PTPRT: variants seen among roughly 807,000 people sequenced by gnomAD.
PTPRT encodes the protein receptor-type tyrosine-protein phosphatase T.
PTPRT carries 56 observed loss-of-function variants against 176.8 expected under a neutral mutation model. The observed-to-expected ratio is 0.32, with a 90% CI of 0.26 to 0.40. The LOEUF is 0.40. Ranked by LOEUF, PTPRT falls within the 10% of genes least tolerant of loss-of-function variation. PTPRT has a pLI of 1.00. For missense variants in PTPRT, 1,540 were observed against 1,908.2 expected, an observed-to-expected ratio of 0.81 and a Z score of 3.60; for synonymous variants, 783 against 739.0, an observed-to-expected ratio of 1.06 and a Z score of -0.96.
chr20:42,947,518 A>T (rs1980957959), intron 1 of PTPRT, among the ~76,000 whole-genome samples: 1 of 152,196 alleles, frequency 6.6e-6, no homozygotes, highest in African/African-American at 2.4e-5. Context: ...AGACAAGGAG[A>T]GAGGTCTTCT....
At chr20:42,505,314 T>C (rs1390050817) in intron 7 of PTPRT, among the ~76,000 whole-genome samples, 1 of 152,134 alleles carries the variant, frequency 6.6e-6, no homozygotes. Context: ...TTATTATTGT[T>C]ATTTTGAGAT....
chr20:43,105,564 C>T (rs1186381670), intron 1 of PTPRT, among the ~76,000 whole-genome samples: 1 of 152,184 alleles, frequency 6.6e-6, no homozygotes, highest in Non-Finnish European at 1.5e-5. Flanking sequence ...CCATACCTGG[C>T]TAATTTTTGT....
chr20:42,133,701 T>A (rs1568959210), intron 18 of PTPRT, among the ~76,000 whole-genome samples: 1 of 152,200 alleles, frequency 6.6e-6, no homozygotes, highest in Non-Finnish European at 1.5e-5. Context: ...TAGCTAATAA[T>A]AATAAATCAA....
chr20:42,411,371 G>C (rs1038162211), intron 9 of PTPRT, among the ~76,000 whole-genome samples: 3 of 151,854 alleles, frequency 2.0e-5, no homozygotes, highest in African/African-American at 7.3e-5. Context: ...ACAAAAATTA[G>C]CCAGGCATGG....
intron 2 of PTPRT, among the ~76,000 whole-genome samples, chr20:42,813,475 T>G (rs1259423445): frequency 6.6e-6 from 1 of 151,852 alleles, no homozygotes; most frequent in Non-Finnish European, 1.5e-5. Context: ...TCTTCCTCCC[T>G]TTATTTTTTT....
At chr20:42,739,550 G>C (rs933501661) in intron 6 of PTPRT, among the ~76,000 whole-genome samples, 4 of 152,146 alleles carry the variant, frequency 2.6e-5, no homozygotes, top group African/African-American at 9.7e-5. Context: ...AGAGGAGAAA[G>C]AAAGATGGGG....
At chr20:43,135,638 A>T (rs1462547441) in intron 1 of PTPRT, among the ~76,000 whole-genome samples, 3 of 152,088 alleles carry the variant, frequency 2.0e-5, no homozygotes, top group Non-Finnish European at 2.9e-5. Flanking sequence ...TTACAAAGAA[A>T]CACACTGTTG....
At chr20:42,447,340 G>T (rs1048706294) in intron 9 of PTPRT, among the ~76,000 whole-genome samples, 2 of 152,028 alleles carry the variant, frequency 1.3e-5, no homozygotes, top group African/African-American at 4.8e-5. Flanking sequence ...TTAAAGAGAG[G>T]AGGAATCTAC....
rs1243407933 is a variant in PTPRT at position 42,106,818 on chromosome 20, G to A, written c.3358C>T (p.Arg1120Trp). ...VDIFNCVREL[R>W]AQRVNLVQTE... ...TGTACCAGGTTGACCCTTTGGGCCCGGAGCTCACGCACGCAGTTGAAGATG... is the reference window on the plus strand; with the variant it reads ...TGTACCAGGTTGACCCTTTGGGCCCAGAGCTCACGCACGCAGTTGAAGATG... Residue 1120 changes from arginine to tryptophan, a missense_variant, in exon 24 of 31, where the codon CGG (arginine) becomes TGG (tryptophan). Arg to Trp is a moderately radical substitution (Grantham distance 101). Coordinates refer to ENST00000373187, the MANE Select transcript of PTPRT (RefSeq NM_007050.6). The A allele has an allele frequency of 1.2e-6, 2 of 1,614,086 alleles. No individual in the cohort carries two copies. Among genetic ancestry groups the A allele is most frequent in the Admixed American group, 1.7e-5 (1 of 60,010 alleles).
intron 9 of PTPRT, among the ~76,000 whole-genome samples, chr20:42,380,883 T>G (rs2058692727): frequency 1.3e-5 from 2 of 152,192 alleles, no homozygotes; most frequent in Non-Finnish European, 2.9e-5. Context: ...TGTTCACAGT[T>G]CTGCAGGCTG....
intron 9 of PTPRT, among the ~76,000 whole-genome samples, chr20:42,410,012 GA>G (rs1359698142): frequency 7.9e-5 from 12 of 152,024 alleles, no homozygotes; most frequent in African/African-American, 2.7e-4. Flanking sequence ...TTGATTCAAA[GA>G]AGTCAAAATC....
chr20:42,180,179 G>A (rs1990457599), intron 16 of PTPRT, among the ~76,000 whole-genome samples: 1 of 152,110 alleles, frequency 6.6e-6, no homozygotes. Flanking sequence ...AATTTACAAT[G>A]GTACCTTCTG....
In PTPRT at chr20:42,075,916, C is replaced by G. The variant is rs1007308655; in HGVS notation, c.*4963G>C. 1 of 211,566 alleles carries G rather than the reference C, an allele frequency of 4.7e-6. No homozygotes were observed. The highest frequency in any genetic ancestry group is 9.6e-6 in the Non-Finnish European group (1 of 104,360). The allele number at this position is 211,566 out of a possible 1,614,324, so 13.1% of individuals were successfully genotyped here. A position where few individuals can be genotyped will look rare whatever the true frequency, so the allele number is the denominator to read the frequency against. On this transcript the variant is annotated 3_prime_UTR_variant, in exon 31 of 31. Transcript: ENST00000373187. ...TGGCAAGCTGTTACCCATCCTTTCT[C>G]CAGCTATGTCACAGAAGTGACCATT...
At chr20:42,601,922 T>C (rs1191588456) in intron 7 of PTPRT, among the ~76,000 whole-genome samples, 1 of 152,140 alleles carries the variant, frequency 6.6e-6, no homozygotes, top group Non-Finnish European at 1.5e-5. Flanking sequence ...CCGGGCAGGA[T>C]GCAGGCATGG....
At chr20:42,263,672 C>T (rs1233165368) in intron 13 of PTPRT, among the ~76,000 whole-genome samples, 45 of 148,742 alleles carry the variant, frequency 3.0e-4, no homozygotes, top group Non-Finnish European at 6.2e-4. Context: ...AGCCACTGCG[C>T]CGGGCCTTTT....
At chr20:43,009,373 AGGCTACT>A (rs2091206814) in intron 1 of PTPRT, among the ~76,000 whole-genome samples, 1 of 152,164 alleles carries the variant, frequency 6.6e-6, no homozygotes, top group Non-Finnish European at 1.5e-5. Context: ...GGGAACCTAC[AGGCTACT>A]GGGGTAAAGG....
At chr20:43,088,063 A>T (rs1336509729) in intron 1 of PTPRT, among the ~76,000 whole-genome samples, 1 of 102,046 alleles carries the variant, frequency 9.8e-6, no homozygotes, top group Non-Finnish European at 2.0e-5. Flanking sequence ...TAAATGATCA[A>T]TGTTGAGACG....
intron 1 of PTPRT, among the ~76,000 whole-genome samples, chr20:43,084,955 C>T (rs2011564873): frequency 6.6e-6 from 1 of 152,094 alleles, no homozygotes; most frequent in Admixed American, 6.6e-5. Context: ...TAATAACATA[C>T]CATGAGGTGT....
intron 14 of PTPRT, among the ~76,000 whole-genome samples, chr20:42,244,227 C>G (rs1411912203): frequency 7.9e-5 from 12 of 152,228 alleles, no homozygotes; most frequent in Admixed American, 7.9e-4. Context: ...TTCTGATTCT[C>G]TGTCCCATTA....
Sources: allele counts gnomAD v4.1 joint callset (sites outside exome capture counted in the v4.1 genomes callset), GRCh38; gene constraint gnomAD v4.1.1; transcripts MANE v1.5; gene names NCBI Gene and HGNC (gene_info 2026-07-23, HGNC 2026-07-21).